RABGEF1: variants seen among roughly 807,000 people sequenced by gnomAD.
RABGEF1 encodes the protein rab5 GDP/GTP exchange factor.
Under a neutral mutation model 57.3 loss-of-function variants are expected in RABGEF1, and 26 were observed. The ratio of observed to expected loss-of-function variants is 0.45; its 90% CI spans 0.33 to 0.63. RABGEF1 has a LOEUF of 0.63. Ranked by LOEUF, RABGEF1 falls within the 20% of genes least tolerant of loss-of-function variation. The pLI, the probability that RABGEF1 is intolerant of heterozygous loss-of-function variation, is 0.02. For missense variants in RABGEF1, 464 were observed against 607.6 expected (o/e 0.76, Z 2.48); for synonymous variants, 185 against 210.7 (o/e 0.88, Z 1.06).
chr7:66,787,731 T>C (rs1443630849), intron 4 of RABGEF1, among the ~76,000 whole-genome samples: 1 of 152,226 alleles, frequency 6.6e-6, no homozygotes, highest in Non-Finnish European at 1.5e-5. Flanking sequence ...TAGTCACTTA[T>C]GAAGAGGTAT....
chr7:66,794,234 C>CTTTTTT (rs1562867444), intron 4 of RABGEF1, among the ~76,000 whole-genome samples: 2 of 66,346 alleles, frequency 3.0e-5, no homozygotes. Context: ...TTTTTTTTTA[C>CTTTTTT]TTATTATTGT....
chr7:66,742,883 A>G (rs944949163), intron 1 of RABGEF1, among the ~76,000 whole-genome samples: 2 of 152,196 alleles, frequency 1.3e-5, no homozygotes, highest in African/African-American at 2.4e-5. Flanking sequence ...CTGAAATTAC[A>G]GGCATCAGCT....
chr7:66,748,611 C>G (rs753598090), intron 1 of RABGEF1, among the ~76,000 whole-genome samples: 6 of 152,082 alleles, frequency 3.9e-5, no homozygotes, highest in Non-Finnish European at 8.8e-5. Flanking sequence ...AAAATCATAA[C>G]GGCTAGTTCA....
chr7:66,699,019 G>T (rs1792791580), intron 1 of RABGEF1, among the ~76,000 whole-genome samples: 1 of 152,204 alleles, frequency 6.6e-6, no homozygotes, highest in Non-Finnish European at 1.5e-5. Context: ...ATGCAGCGCT[G>T]GGACCTCTGG....
the RABGEF1 span, among the ~76,000 whole-genome samples, chr7:66,676,494 G>A: frequency 6.6e-5 from 10 of 152,226 alleles, no homozygotes; most frequent in East Asian, 1.9e-3. Flanking sequence ...TTTTCAATCC[G>A]TATTTGGTTA....
intron 1 of RABGEF1, among the ~76,000 whole-genome samples, chr7:66,753,413 A>G (rs1226010364): frequency 1.3e-5 from 2 of 152,176 alleles, no homozygotes; most frequent in African/African-American, 4.8e-5. Flanking sequence ...TTCTTATTGG[A>G]TGGTATATTT....
chr7:66,713,640 T>C (rs1462803310), intron 2 of RABGEF1, among the ~76,000 whole-genome samples: 2 of 152,234 alleles, frequency 1.3e-5, no homozygotes, highest in Non-Finnish European at 1.5e-5. Flanking sequence ...AGTATGACTT[T>C]AGCTCTGGAT....
intron 2 of RABGEF1, among the ~76,000 whole-genome samples, chr7:66,727,327 G>A (rs1377641182): frequency 2.0e-5 from 3 of 152,178 alleles, no homozygotes; most frequent in Admixed American, 6.5e-5. Context: ...GATTGAATTG[G>A]GGGTTCTCTG....
intron 2 of RABGEF1, among the ~76,000 whole-genome samples, chr7:66,730,482 C>T (rs1183153198): frequency 6.6e-6 from 1 of 152,098 alleles, no homozygotes; most frequent in Non-Finnish European, 1.5e-5. Context: ...GCGTCAACCT[C>T]CTGGGCTTAA....
chr7:66,750,760 A>G (rs1801220328), intron 1 of RABGEF1, among the ~76,000 whole-genome samples: 2 of 152,200 alleles, frequency 1.3e-5, no homozygotes, highest in Admixed American at 1.3e-4. Flanking sequence ...TCCAGCCCCA[A>G]ACATGAGCAA....
chr7:66,763,479 CT>C (rs1398354238), intron 1 of RABGEF1, among the ~76,000 whole-genome samples: 7 of 152,226 alleles, frequency 4.6e-5, no homozygotes, highest in Non-Finnish European at 8.8e-5. Flanking sequence ...TTGACTCTCT[CT>C]AACTTCACAT....
chr7:66,762,741 T>TAATA (rs1189630199), intron 1 of RABGEF1, among the ~76,000 whole-genome samples: 2 of 151,912 alleles, frequency 1.3e-5, no homozygotes, highest in African/African-American at 2.4e-5. Flanking sequence ...AAAAGAATAA[T>TAATA]AATAAATAGG....
intron 4 of RABGEF1, among the ~76,000 whole-genome samples, chr7:66,791,591 C>T (rs1340439205): frequency 6.6e-6 from 1 of 152,136 alleles, no homozygotes; most frequent in Admixed American, 6.5e-5. Context: ...TGGCAATTCA[C>T]ATTGAAATGA....
intron 4 of RABGEF1, among the ~76,000 whole-genome samples, chr7:66,786,829 A>T (rs545680111): frequency 6.6e-6 from 1 of 152,372 alleles, no homozygotes; most frequent in Non-Finnish European, 1.5e-5. Flanking sequence ...ACTTCTATAC[A>T]TTCTTTAAAA....
chr7:66,803,221 C>CT (rs1327959056), intron 7 of RABGEF1, among the ~76,000 whole-genome samples: 2 of 152,342 alleles, frequency 1.3e-5, no homozygotes, highest in East Asian at 3.9e-4. Flanking sequence ...AAAATAATGC[C>CT]TGTGCACTGC....
At chr7:66,690,178 T>C (rs1378262902) in intron 1 of RABGEF1, among the ~76,000 whole-genome samples, 2 of 149,604 alleles carry the variant, frequency 1.3e-5, no homozygotes, top group African/African-American at 4.9e-5. Context: ...CTTGGCTCAC[T>C]GCAACCTCTG....
At chr7:66,779,337 C>G (rs1252235885) in intron 3 of RABGEF1, among the ~76,000 whole-genome samples, 4 of 151,026 alleles carry the variant, frequency 2.6e-5, no homozygotes, top group Non-Finnish European at 5.9e-5. Context: ...AACCCTGTCT[C>G]TACTAAAAAT....
intron 4 of RABGEF1, among the ~76,000 whole-genome samples, chr7:66,787,464 C>T (rs1231009277): frequency 1.3e-5 from 2 of 151,732 alleles, no homozygotes; most frequent in African/African-American, 4.8e-5. Flanking sequence ...ATGCCCCAGC[C>T]TCCCGCATAG....
chr7:66,765,654 C>G (rs1805513040), intron 1 of RABGEF1, among the ~76,000 whole-genome samples: 1 of 152,142 alleles, frequency 6.6e-6, no homozygotes, highest in Non-Finnish European at 1.5e-5. Context: ...GTAGACTGTC[C>G]TGATACTCAG....
Sources: allele counts gnomAD v4.1 joint callset (sites outside exome capture counted in the v4.1 genomes callset), GRCh38; gene constraint gnomAD v4.1.1; transcripts MANE v1.5; gene names NCBI Gene and HGNC (gene_info 2026-07-23, HGNC 2026-07-21).